The following FNDC1 variants were observed in gnomAD, a reference collection of about 807,000 sequenced individuals.
The protein encoded by FNDC1 is fibronectin type III domain containing 1.
A neutral mutation model predicts 168.0 loss-of-function variants in FNDC1; 96 were observed. The observed-to-expected ratio is 0.57, with a 90% CI of 0.48 to 0.68. The LOEUF is 0.68. Among genes scored for constraint, FNDC1 ranks in the 30% least tolerant of loss-of-function variants. FNDC1 has a pLI of 0.00. For missense variants in FNDC1, 2,587 were observed against 2,482.1 expected (o/e 1.04, Z -0.90); for synonymous variants, 1,099 against 1,025.9 (o/e 1.07, Z -1.36).
intron 11 of FNDC1, among the ~76,000 whole-genome samples, chr6:159,235,352 T>C (rs1783227138): frequency 6.6e-6 from 1 of 152,094 alleles, no homozygotes; most frequent in Non-Finnish European, 1.5e-5. Flanking sequence ...AATGCATTGT[T>C]ATTTTAGCCC....
intron 13 of FNDC1, 59 bp downstream of exon 13, chr6:159,238,724 C>A: frequency 1.8e-6 from 2 of 1,112,020 alleles, no homozygotes; most frequent in South Asian, 1.5e-5. Flanking sequence ...AGAATTACAG[C>A]TTCTATCTTC....
At chr6:159,252,902 G>A (rs758482230) in intron 17 of FNDC1, among the ~76,000 whole-genome samples, 7 of 152,228 alleles carry the variant, frequency 4.6e-5, no homozygotes, top group Admixed American at 1.3e-4. Context: ...GCTGCAGAAT[G>A]AGAGTGTATT....
At chr6:159,269,262 A>G (rs1357043882) in intron 22 of FNDC1, among the ~76,000 whole-genome samples, 25 of 78,386 alleles carry the variant, frequency 3.2e-4, no homozygotes, top group African/African-American at 8.2e-4. Flanking sequence ...TCTATCATCT[A>G]TCTATCTATC....
Position 159,266,184 on chromosome 6 carries a change from C to T in FNDC1, c.5385C>T (p.Phe1795=), listed in dbSNP as rs571734975. Reference sequence around the variant, plus strand: ...TGAAGCGCACGTGGTATCGAAAGTTCGTGGGAGTTGTTCTTTGTAATTCAC... The same window carrying T: ...TGAAGCGCACGTGGTATCGAAAGTTTGTGGGAGTTGTTCTTTGTAATTCAC... ...QYVKRTWYRK[F]VGVVLCNSLR... is the part of the protein sequence containing the mutation. Residue 1795 remains phenylalanine, a synonymous_variant, in exon 21 of 23, where the codon TTC becomes TTT. Transcript: ENST00000297267. 43 of 1,613,994 alleles carry T rather than the reference C, an allele frequency of 2.7e-5. No homozygotes were observed. Among genetic ancestry groups the T allele is most frequent in the Admixed American group, 2.2e-4 (13 of 60,030 alleles).
intron 4 of FNDC1, among the ~76,000 whole-genome samples, chr6:159,201,549 G>A (rs929561430): frequency 6.6e-6 from 1 of 152,202 alleles, no homozygotes; most frequent in Non-Finnish European, 1.5e-5. Context: ...AAGTAAGAAC[G>A]AGACATGGAC....
chr6:159,210,312 A>G (rs1782574322), intron 4 of FNDC1, among the ~76,000 whole-genome samples: 1 of 152,106 alleles, frequency 6.6e-6, no homozygotes, highest in Non-Finnish European at 1.5e-5. Context: ...GATCCGACAG[A>G]TGGGGTGCGA....
chr6:159,249,015 TAC>T, intron 15 of FNDC1, 22 bp from the exon 16 acceptor site: 1 of 1,580,266 alleles, frequency 6.3e-7, no homozygotes, highest in Non-Finnish European at 8.6e-7. Flanking sequence ...AGTGCCCAAT[TAC>T]AGAGCCTTCA....
chr6:159,184,695 C>T (rs1781956172), intron 1 of FNDC1, among the ~76,000 whole-genome samples: 1 of 152,102 alleles, frequency 6.6e-6, no homozygotes, highest in Admixed American at 6.5e-5. Context: ...CATAGTTAGA[C>T]AATGACTTTC....
intron 2 of FNDC1, among the ~76,000 whole-genome samples, chr6:159,198,553 T>G (rs1782301664): frequency 6.6e-6 from 1 of 152,182 alleles, no homozygotes; most frequent in Admixed American, 6.5e-5. Flanking sequence ...CTTAATCTCT[T>G]CCACGTCACC....
intron 2 of FNDC1, among the ~76,000 whole-genome samples, chr6:159,197,914 G>T (rs372560932): frequency 6.6e-6 from 1 of 152,182 alleles, no homozygotes; most frequent in Non-Finnish European, 1.5e-5. Flanking sequence ...AAAGTAGATT[G>T]ATCCTTTTTT....
intron 11 of FNDC1, among the ~76,000 whole-genome samples, chr6:159,234,951 A>G (rs1481140379): frequency 6.6e-6 from 1 of 152,218 alleles, no homozygotes; most frequent in African/African-American, 2.4e-5. Flanking sequence ...TTAGATACAT[A>G]TGTAGGCTTA....
At chr6:159,209,374 T>C (rs920970660) in intron 4 of FNDC1, among the ~76,000 whole-genome samples, 1 of 152,176 alleles carries the variant, frequency 6.6e-6, no homozygotes, top group African/African-American at 2.4e-5. Flanking sequence ...CAACACAAAC[T>C]CTTTGAAATG....
chr6:159,236,276 T>A lies in FNDC1; in HGVS notation c.4029T>A (p.Asn1343Lys). The A allele has an allele frequency of 6.2e-7, 1 of 1,613,780 alleles. No homozygotes were observed. The highest frequency in any genetic ancestry group is 1.3e-5 in the African/African-American group (1 of 75,056). ...TTCCTGGTAGTAATGGAAAACCGAA[T>A]GGACAGAGAATTATCAATGGCCCTC... ...KVLPGSNGKP[N>K]GQRIINGPQG... Residue 1343 changes from asparagine to lysine, a missense_variant, in exon 12 of 23, where the codon AAT becomes AAA. Transcript: ENST00000297267.
chr6:159,195,082 A>G (rs1013902476), intron 1 of FNDC1, among the ~76,000 whole-genome samples: 1 of 152,072 alleles, frequency 6.6e-6, no homozygotes, highest in African/African-American at 2.4e-5. Context: ...AGGCATTTTG[A>G]GAACCTTAAA....
intron 5 of FNDC1, among the ~76,000 whole-genome samples, chr6:159,215,444 G>A (rs418851): frequency 0.48 from 73,485 of 152,068 alleles, 20,191 homozygotes; most frequent in African/African-American, 0.75. Context: ...AGTAGGGCCA[G>A]TCTTGTCATC....
chr6:159,247,459 G>C lies in FNDC1; in HGVS notation c.4690+490G>C, dbSNP rs910291870. Among the ~76,000 whole-genome samples, 14 of 152,226 alleles carry C rather than the reference G, an allele frequency of 9.2e-5. No homozygotes were observed. The East Asian group carries it at 2.3e-3, about 25-fold the overall frequency. On this transcript the variant is annotated intron_variant, in intron 15 of 22. Transcript: ENST00000297267. ...TTTCAAGGGTAGGTTTGTAAGATTA[G>C]GATCAGAGGCCGGCCGCAGTGGCTC...
At position 159,200,496 on chromosome 6, in the gene FNDC1, G is replaced by A. The variant is rs1311905229; in HGVS notation, c.392-17G>A. On this transcript the variant is annotated splice_polypyrimidine_tract_variant and intron_variant, in intron 3 of 22. Transcript: ENST00000297267. ...AGTCCTCGTTTCTAACTATCAAGTT[G>A]CATTTCCCTAATTTAGGAGGTGAAT... The A allele has an allele frequency of 1.9e-6, 3 of 1,584,542 alleles. No individual in the cohort carries two copies. Among genetic ancestry groups the A allele is most frequent in the South Asian group, 2.3e-5 (2 of 86,700 alleles).
rs1378658880 is a variant in FNDC1, at chr6:159,239,627, G to A, written c.4291G>A (p.Gly1431Arg). Residue 1431 changes from glycine to arginine, a missense_variant, in exon 14 of 23, where the codon GGA (glycine) becomes AGA (arginine). By Grantham distance (125) the Gly-to-Arg change is moderately radical. Coordinates refer to ENST00000297267, the MANE Select transcript of FNDC1 (RefSeq NM_032532.3). ...AGATAAGCCAATTTTGAGTCTTGGA[G>A]GAAAGCCGCTGGTGGGCTTGGAGGT... is the stretch of plus-strand genomic sequence containing the variant. ...AQDKPILSLG[G>R]KPLVGLEVIK... The A allele has an allele frequency of 6.4e-7, 1 of 1,563,720 alleles. No homozygotes were observed. Among genetic ancestry groups the A allele is most frequent in the African/African-American group, 1.4e-5 (1 of 73,790 alleles).
At chr6:159,186,147 A>G (rs1583854966) in intron 1 of FNDC1, among the ~76,000 whole-genome samples, 1 of 152,094 alleles carries the variant, frequency 6.6e-6, no homozygotes, top group Non-Finnish European at 1.5e-5. Context: ...GAATTTCTTC[A>G]TGTTTCATTT....
Sources: allele counts gnomAD v4.1 joint callset (sites outside exome capture counted in the v4.1 genomes callset), GRCh38; gene constraint gnomAD v4.1.1; transcripts MANE v1.5; gene names NCBI Gene and HGNC (gene_info 2026-07-23, HGNC 2026-07-21).